The following ARHGAP24 variants were observed in gnomAD, a reference collection of about 807,000 sequenced individuals.
The protein encoded by ARHGAP24 is Rho GTPase activating protein 24, also known as rho GTPase-activating protein 24.
Under a neutral mutation model 76.4 loss-of-function variants are expected in ARHGAP24, and 50 were observed. The observed-to-expected ratio is 0.65, with a 90% confidence interval of 0.52 to 0.83. The LOEUF is 0.83. Among genes scored for constraint, ARHGAP24 ranks in the 40% least tolerant of loss-of-function variants. The pLI is 0.00. For missense variants in ARHGAP24, 930 were observed against 914.2 expected (o/e 1.02, Z -0.22); for synonymous variants, 345 against 323.3 (o/e 1.07, Z -0.72).
chr4:85,954,815 C>G (rs1392383337), intron 5 of ARHGAP24, among the ~76,000 whole-genome samples: 1 of 152,196 alleles, frequency 6.6e-6, no homozygotes, highest in Non-Finnish European at 1.5e-5. Flanking sequence ...CAAGACCAGC[C>G]TGGCCAACAT....
intron 3 of ARHGAP24, among the ~76,000 whole-genome samples, chr4:85,763,849 A>T (rs899386948): frequency 1.1e-4 from 17 of 152,196 alleles, no homozygotes; most frequent in African/African-American, 4.1e-4. Context: ...CTTACCAGGC[A>T]TACAAGAACT....
chr4:85,861,509 T>C (rs1443213408), intron 3 of ARHGAP24, among the ~76,000 whole-genome samples: 1 of 152,088 alleles, frequency 6.6e-6, no homozygotes, highest in Non-Finnish European at 1.5e-5. Flanking sequence ...AATTAGTACC[T>C]GTCATTCCAG....
intron 2 of ARHGAP24, among the ~76,000 whole-genome samples, chr4:85,610,487 G>C (rs1238320279): frequency 4.7e-5 from 5 of 107,314 alleles, no homozygotes; most frequent in African/African-American, 1.4e-4. Flanking sequence ...AAAAAAGAAA[G>C]CACCCTTATT....
intron 2 of ARHGAP24, among the ~76,000 whole-genome samples, chr4:85,662,130 C>A (rs923018665): frequency 5.3e-5 from 8 of 152,216 alleles, no homozygotes; most frequent in East Asian, 1.9e-4. Context: ...TACAGTCCCA[C>A]CAACAGTGTA....
intron 2 of ARHGAP24, among the ~76,000 whole-genome samples, chr4:85,592,821 T>C (rs2109982168): frequency 6.6e-6 from 1 of 152,334 alleles, no homozygotes; most frequent in African/African-American, 2.4e-5. Flanking sequence ...TGAAAGGATG[T>C]CATTCTTTTT....
intron 3 of ARHGAP24, among the ~76,000 whole-genome samples, chr4:85,743,270 G>C (rs1171194757): frequency 6.6e-6 from 1 of 151,002 alleles, no homozygotes; most frequent in African/African-American, 2.5e-5. Context: ...CCTCGGAGGT[G>C]AAACTGAGAG....
chr4:85,785,748 C>T (rs1387434177), intron 3 of ARHGAP24, among the ~76,000 whole-genome samples: 1 of 152,038 alleles, frequency 6.6e-6, no homozygotes, highest in African/African-American at 2.4e-5. Context: ...TCCATCAGTG[C>T]CGTTGTCAAA....
At chr4:85,730,972 C>T (rs928526749) in intron 3 of ARHGAP24, among the ~76,000 whole-genome samples, 1 of 148,648 alleles carries the variant, frequency 6.7e-6, no homozygotes, top group Non-Finnish European at 1.5e-5. Flanking sequence ...TACAATGACT[C>T]ATTTAATATA....
intron 3 of ARHGAP24, among the ~76,000 whole-genome samples, chr4:85,909,360 A>G (rs1263856089): frequency 6.6e-6 from 1 of 151,910 alleles, no homozygotes; most frequent in Admixed American, 6.6e-5. Flanking sequence ...TCCCCATCAG[A>G]TAAGATTAAG....
At chr4:85,908,600 G>A (rs1399411059) in intron 3 of ARHGAP24, among the ~76,000 whole-genome samples, 1 of 152,088 alleles carries the variant, frequency 6.6e-6, no homozygotes, top group African/African-American at 2.4e-5. Context: ...TCAACAAAGG[G>A]GGCTTCTCTC....
rs140061153 is a variant in ARHGAP24 at position 85,641,114 on chromosome 4, A to T, written c.180+70393A>T. ...TGGAGGAATCTTCTTTTCTTTTAAT[A>T]GAGACAGCATCTCACGCTATCACTC... On this transcript the variant is annotated intron_variant, in intron 2 of 9. Coordinates refer to ENST00000395184, the MANE Select transcript of ARHGAP24 (RefSeq NM_001025616.3). 3.0e-3 allele frequency among the ~76,000 whole-genome samples: 462 copies of T among 152,236 alleles called. 4 individuals are homozygous for T. Among genetic ancestry groups the T allele is most frequent in the African/African-American group, 0.01 (435 of 41,570 alleles).
intron 5 of ARHGAP24, among the ~76,000 whole-genome samples, chr4:85,957,674 C>T (rs550271911): frequency 6.6e-6 from 1 of 152,324 alleles, no homozygotes; most frequent in East Asian, 1.9e-4. Flanking sequence ...GGCCTCTTTC[C>T]TTTAAATGCT....
At chr4:85,740,228 T>TG (rs1291459049) in intron 3 of ARHGAP24, among the ~76,000 whole-genome samples, 7 of 151,618 alleles carry the variant, frequency 4.6e-5, no homozygotes, top group Non-Finnish European at 5.9e-5. Flanking sequence ...GTTGGGGTTT[T>TG]TTTTTTTTTT....
intron 2 of ARHGAP24, among the ~76,000 whole-genome samples, chr4:85,599,808 T>A (rs940588303): frequency 2.0e-5 from 3 of 152,158 alleles, no homozygotes; most frequent in African/African-American, 7.2e-5. Context: ...TATAGATGTT[T>A]TGCATATTGT....
intron 2 of ARHGAP24, among the ~76,000 whole-genome samples, chr4:85,652,902 T>C (rs1054187850): frequency 6.6e-6 from 1 of 152,198 alleles, no homozygotes; most frequent in Non-Finnish European, 1.5e-5. Context: ...GTTTTTTGTT[T>C]GTTTGTTTTA....
At position 85,668,769 on chromosome 4, in the gene ARHGAP24, C is replaced by T. The variant is rs11733552; in HGVS notation, c.181-53116C>T. Among the ~76,000 whole-genome samples, 430 of 151,988 alleles carry T rather than the reference C, an allele frequency of 2.8e-3. 2 individuals are homozygous for T. Among genetic ancestry groups the T allele is most frequent in the Non-Finnish European group, 3.0e-3 (203 of 67,966 alleles). On this transcript the variant is annotated intron_variant, in intron 2 of 9. Transcript: ENST00000395184. ...CCACGTTAAAGAGTTGGAACTTGACCCAGAGAACAATGAGGGATCATGGAG... is the reference window on the plus strand; with the variant it reads ...CCACGTTAAAGAGTTGGAACTTGACTCAGAGAACAATGAGGGATCATGGAG...
chr4:85,884,752 G>T (rs1343817638), intron 3 of ARHGAP24, among the ~76,000 whole-genome samples: 1 of 152,076 alleles, frequency 6.6e-6, no homozygotes, highest in African/African-American at 2.4e-5. Flanking sequence ...TTTTCTCCTA[G>T]AAATATTTGG....
intron 1 of ARHGAP24, among the ~76,000 whole-genome samples, chr4:85,562,013 A>T (rs1726619522): frequency 6.6e-6 from 1 of 152,220 alleles, no homozygotes. Flanking sequence ...TTGAACTGAG[A>T]ATTGAATGGT....
At chr4:85,491,237 G>A (rs1723344984) in intron 1 of ARHGAP24, among the ~76,000 whole-genome samples, 1 of 152,018 alleles carries the variant, frequency 6.6e-6, no homozygotes, top group African/African-American at 2.4e-5. Context: ...TTAATGATTG[G>A]TTTTAGATCA....
Sources: allele counts gnomAD v4.1 joint callset (sites outside exome capture counted in the v4.1 genomes callset), GRCh38; gene constraint gnomAD v4.1.1; transcripts MANE v1.5; gene names NCBI Gene and HGNC (gene_info 2026-07-23, HGNC 2026-07-21).